The following PHACTR3 variants were observed in gnomAD, a reference collection of about 807,000 sequenced individuals.
PHACTR3 encodes the protein phosphatase and actin regulator 3.
A neutral mutation model predicts 66.8 loss-of-function variants in PHACTR3; 16 were observed. The ratio of observed to expected loss-of-function variants is 0.24; its 90% CI spans 0.16 to 0.36. PHACTR3 has a LOEUF of 0.36. PHACTR3 is among the 10% of genes least tolerant of loss of function. PHACTR3 has a pLI of 1.00. For synonymous variants in PHACTR3, 323 were observed against 292.1 expected, an observed-to-expected ratio of 1.11 and a Z score of -1.08; for missense variants, 647 against 719.9, an observed-to-expected ratio of 0.90 and a Z score of 1.16.
intron 1 of PHACTR3, among the ~76,000 whole-genome samples, chr20:59,672,678 G>A (rs1403469035): frequency 2.0e-5 from 3 of 152,206 alleles, no homozygotes; most frequent in Non-Finnish European, 2.9e-5. Context: ...CTGACTCAGC[G>A]GTGTGGTTCT....
At chr20:59,673,795 G>T (rs1350091659) in intron 1 of PHACTR3, among the ~76,000 whole-genome samples, 1 of 151,738 alleles carries the variant, frequency 6.6e-6, no homozygotes, top group Non-Finnish European at 1.5e-5. Context: ...GGACCAAGTG[G>T]TATCTACACC....
chr20:59,810,539 C>T (rs367786877), intron 8 of PHACTR3, among the ~76,000 whole-genome samples: 6 of 152,226 alleles, frequency 3.9e-5, no homozygotes, highest in African/African-American at 1.2e-4. Flanking sequence ...ATTCCTCCAC[C>T]GTCTCTTGCT....
At position 59,828,125 on chromosome 20, in the gene PHACTR3, C is replaced by G. The variant is rs1008237535; in HGVS notation, c.1329-8380C>G. Among the ~76,000 whole-genome samples, 71 of 152,212 alleles carry G rather than the reference C, an allele frequency of 4.7e-4. 5 individuals are homozygous for G. The stretch of plus-strand genomic sequence containing the variant: ...GAAGCCTGTTTATGATGACCTGAGC[C>G]TCATCCCAAGTGCATTGTGGACACA... On this transcript the variant is annotated intron_variant, in intron 8 of 12. Coordinates refer to ENST00000371015, the MANE Select transcript of PHACTR3 (RefSeq NM_080672.5).
intron 4 of PHACTR3, among the ~76,000 whole-genome samples, chr20:59,763,775 G>A (rs2040083116): frequency 6.6e-6 from 1 of 152,204 alleles, no homozygotes; most frequent in Non-Finnish European, 1.5e-5. Context: ...GGACCTGCCA[G>A]AGAGGCTGAG....
At chr20:59,750,743 G>A (rs74369230) in intron 3 of PHACTR3, among the ~76,000 whole-genome samples, 7,509 of 152,242 alleles carry the variant, frequency 0.049, 267 homozygotes, top group African/African-American at 0.097. Flanking sequence ...GGCAGCAGGG[G>A]TTGCTCTGGG....
rs1030474737 is a variant in PHACTR3, at chr20:59,738,069, G to A, written c.119-5038G>A. ...CCTGGCAGTGATGGTGGTAGGGAGGGGGAGGCGCCACTGCCCCTCCTGCCC... is the reference window on the plus strand; with the variant it reads ...CCTGGCAGTGATGGTGGTAGGGAGGAGGAGGCGCCACTGCCCCTCCTGCCC... On this transcript the variant is annotated intron_variant, in intron 1 of 12. Transcript: ENST00000371015. The surrounding 1 kb of genome is among the most constrained non-coding windows in gnomAD (Gnocchi z 4.4). 6.6e-6 allele frequency among the ~76,000 whole-genome samples: 1 copy of A among 152,104 alleles called. No homozygotes were observed. The highest frequency in any genetic ancestry group is 6.5e-5 in the Admixed American group (1 of 15,274).
At chr20:59,674,702 C>G (rs1370694567) in intron 1 of PHACTR3, among the ~76,000 whole-genome samples, 6 of 121,750 alleles carry the variant, frequency 4.9e-5, no homozygotes, top group African/African-American at 1.9e-4. Flanking sequence ...CCTGCCTTCT[C>G]CTGTCCCCCC....
chr20:59,790,083 C>A, intron 7 of PHACTR3, among the ~76,000 whole-genome samples: 1 of 152,126 alleles, frequency 6.6e-6, no homozygotes, highest in African/African-American at 2.4e-5. Context: ...GCCTCTTTGC[C>A]TTATGTTCTT....
intron 1 of PHACTR3, among the ~76,000 whole-genome samples, chr20:59,707,260 T>C (rs994017048): frequency 2.0e-5 from 3 of 152,004 alleles, no homozygotes; most frequent in African/African-American, 7.2e-5. Context: ...CTGACTCATA[T>C]TCTCATAGCT....
intron 7 of PHACTR3, among the ~76,000 whole-genome samples, chr20:59,802,092 A>G (rs889906790): frequency 3.3e-5 from 5 of 152,080 alleles, no homozygotes; most frequent in African/African-American, 1.2e-4. Flanking sequence ...TCGACAGGAG[A>G]GCAGGAGGTC....
Position 59,806,137 on chromosome 20 carries a change from G to A in PHACTR3, c.1271G>A (p.Arg424Lys), listed in dbSNP as rs749531643. ...QELEDRNIFP[R>K]RTDEERQEIR... ...CTAGAAGACCGGAACATTTTCCCCA[G>A]AAGGACTGATGAAGAAAGACAGGAG... The change falls in exon 8 of 13, where the codon AGA becomes AAA. Residue 424 changes from arginine (R) to lysine (K), a missense_variant. Around this residue, in one of 2 missense-constraint regions of PHACTR3, gnomAD observed 577 missense variants for 571.1 expected, o/e 1.01. Coordinates refer to ENST00000371015, the MANE Select transcript of PHACTR3 (RefSeq NM_080672.5). 1 of 1,614,246 alleles carries A rather than the reference G, an allele frequency of 6.2e-7. No individual in the cohort carries two copies. The highest frequency in any genetic ancestry group is 1.1e-5 in the South Asian group (1 of 91,086).
chr20:59,656,590 C>A (rs1407468964), intron 1 of PHACTR3, among the ~76,000 whole-genome samples: 1 of 151,932 alleles, frequency 6.6e-6, no homozygotes, highest in Non-Finnish European at 1.5e-5. Flanking sequence ...TTTATTCAGT[C>A]TGACAGTCTT....
chr20:59,739,126 G>T (rs889950126), intron 1 of PHACTR3, among the ~76,000 whole-genome samples: 1 of 152,174 alleles, frequency 6.6e-6, no homozygotes, highest in African/African-American at 2.4e-5. Context: ...TTCTGCAGCT[G>T]CCCTGGTTCC....
intron 1 of PHACTR3, among the ~76,000 whole-genome samples, chr20:59,713,362 T>A (rs959382485): frequency 4.6e-5 from 7 of 152,270 alleles, no homozygotes; most frequent in Admixed American, 3.3e-4. Flanking sequence ...TGTAAAAAAA[T>A]TTATTGAATA....
intron 1 of PHACTR3, among the ~76,000 whole-genome samples, chr20:59,671,650 C>A (rs1948529700): frequency 1.3e-5 from 2 of 152,232 alleles, no homozygotes; most frequent in Admixed American, 6.5e-5. Context: ...TGGCTATTGC[C>A]AGGCTAGAGG....
intron 1 of PHACTR3, among the ~76,000 whole-genome samples, chr20:59,702,037 A>C (rs2037525831): frequency 6.6e-6 from 1 of 152,152 alleles, no homozygotes; most frequent in South Asian, 2.1e-4. Context: ...CTGTCTCGAT[A>C]GCTCATTTCT....
At chr20:59,686,761 A>G (rs36213258) in intron 1 of PHACTR3, among the ~76,000 whole-genome samples, 49,948 of 111,630 alleles carry the variant, frequency 0.45, 9,598 homozygotes, top group African/African-American at 0.59. Flanking sequence ...GATGATGGTG[A>G]TGATGATGGT....
intron 1 of PHACTR3, among the ~76,000 whole-genome samples, chr20:59,622,555 G>A (rs1041328497): frequency 1.3e-5 from 2 of 152,188 alleles, no homozygotes; most frequent in African/African-American, 4.8e-5. Context: ...GTTTGCGATG[G>A]ACACTATCTC....
At chr20:59,637,635 C>A (rs908059915) in intron 1 of PHACTR3, among the ~76,000 whole-genome samples, 3 of 150,532 alleles carry the variant, frequency 2.0e-5, no homozygotes, top group African/African-American at 7.4e-5. Flanking sequence ...TCAACCCTAA[C>A]GTGAACAAAT....
Sources: gnomAD v4.1 joint callset for allele counts (sites outside exome capture counted in the v4.1 genomes callset) on GRCh38, gnomAD v4.1.1 for gene constraint, gnomAD v4.1.1 regional missense constraint, Gnocchi (gnomAD v3.1) non-coding constraint, MANE v1.5 for transcripts, NCBI Gene and HGNC (gene_info 2026-07-23, HGNC 2026-07-21) for gene names.